Variants in DIP2A observed in about 807,000 individuals in gnomAD.
The protein encoded by DIP2A is disco-interacting protein 2 homolog A.
DIP2A carries 85 observed loss-of-function variants against 177.4 expected under a neutral mutation model. The observed-to-expected ratio is 0.48, with a 90% CI of 0.40 to 0.57. The LOEUF (loss-of-function observed/expected upper bound fraction) is 0.57. Ranked by LOEUF, DIP2A falls within the 20% of genes least tolerant of loss-of-function variation. The probability of loss-of-function intolerance (pLI) is 0.00; values close to 1 mark genes in which losing one functional copy is unlikely to be tolerated. For missense variants in DIP2A, 1,791 were observed against 2,100.2 expected (o/e 0.85, Z 2.88); for synonymous variants, 886 against 881.8 (o/e 1.00, Z -0.08).
In DIP2A at chr21:46,556,450, G is replaced by C. The variant is rs188344901; in HGVS notation, c.3498+359G>C. On this transcript the variant is annotated intron_variant, in intron 29 of 37. Coordinates refer to ENST00000417564, the MANE Select transcript of DIP2A (RefSeq NM_015151.4). This position sits in a 1 kb window ranked among gnomAD's most constrained non-coding sequence, Gnocchi z 4.5. ...TGTAATCCCAGCACTTCGGGAGGCC[G>C]AGGCGGGTGGATCACAAGATCAAGA... is the stretch of plus-strand genomic sequence containing the variant. 3.4e-6 allele frequency: 4 copies of C among 1,162,574 alleles called. No individual in the cohort carries two copies. The highest frequency in any genetic ancestry group is 2.3e-5 in the Admixed American group (1 of 43,152). 72.0% of individuals were successfully genotyped at this position (1,162,574 alleles called of 1,614,324 possible). A position where few individuals can be genotyped will look rare whatever the true frequency, so the allele number is the denominator to read the frequency against.
At chr21:46,520,736 G>C (rs190412561) in intron 8 of DIP2A, among the ~76,000 whole-genome samples, 28 of 152,298 alleles carry the variant, frequency 1.8e-4, no homozygotes, top group Non-Finnish European at 3.7e-4. Context: ...AACATGTACT[G>C]TCATATCAGA....
intron 2 of DIP2A, among the ~76,000 whole-genome samples, chr21:46,486,714 G>A (rs536250239): frequency 2.6e-5 from 4 of 152,336 alleles, no homozygotes; most frequent in African/African-American, 9.6e-5. Flanking sequence ...TCAGTAGGAT[G>A]CAGGCAGCTA....
intron 3 of DIP2A, among the ~76,000 whole-genome samples, chr21:46,492,374 T>C (rs1404211847): frequency 6.6e-6 from 1 of 152,194 alleles, no homozygotes; most frequent in African/African-American, 2.4e-5. Flanking sequence ...GGCAAAACAG[T>C]GTTCTCTTGA....
At chr21:46,549,423 C>T (rs1017725760) in intron 21 of DIP2A, among the ~76,000 whole-genome samples, 2 of 152,054 alleles carry the variant, frequency 1.3e-5, no homozygotes, top group East Asian at 1.9e-4. Flanking sequence ...AATAGAGATG[C>T]GATCTGTTGG....
chr21:46,545,315 A>G (rs1216580812), intron 19 of DIP2A, 42 bp downstream of exon 19: 9 of 1,570,128 alleles, frequency 5.7e-6, no homozygotes, highest in Non-Finnish European at 7.8e-6. Context: ...GTTAAGTTGC[A>G]TGAGCACTCA....
In DIP2A at chr21:46,497,054, C is replaced by T. The variant is rs2057397534; in HGVS notation, c.350C>T (p.Ser117Leu). 5.6e-6 allele frequency: 9 copies of T among 1,613,890 alleles called. No individual in the cohort carries two copies. The highest frequency in any genetic ancestry group is 3.3e-5 in the Admixed American group (2 of 60,014). The change falls in exon 4 of 38, where the codon TCG (serine) becomes TTG (leucine). Residue 117 changes from serine to leucine, a missense_variant. Coordinates refer to ENST00000417564, the MANE Select transcript of DIP2A (RefSeq NM_015151.4). ...KYKERKMPMPSKRRSVLVHSS... is the reference protein window; with the variant it reads ...KYKERKMPMPLKRRSVLVHSS... ...AAAGAGAGGAAGATGCCTATGCCTT[C>T]GAAGAGACGTTCTGTCCTTGTGCAT...
intron 7 of DIP2A, among the ~76,000 whole-genome samples, chr21:46,510,902 G>A (rs1339076609): frequency 6.6e-6 from 1 of 151,988 alleles, no homozygotes; most frequent in Non-Finnish European, 1.5e-5. Flanking sequence ...CAAAGTGCTG[G>A]GATTACAGGC....
intron 12 of DIP2A, 106 bp downstream of exon 12, chr21:46,534,219 C>A: frequency 1.1e-6 from 1 of 896,434 alleles, no homozygotes; most frequent in Admixed American, 2.3e-5. Context: ...AAGTTTCGGC[C>A]TAAGAGTTCT....
chr21:46,476,295 T>C (rs2055839769), intron 1 of DIP2A, among the ~76,000 whole-genome samples: 2 of 152,258 alleles, frequency 1.3e-5, no homozygotes, highest in African/African-American at 4.8e-5. Flanking sequence ...TCTGGCTCAA[T>C]CTGACTAACT....
intron 35 of DIP2A, among the ~76,000 whole-genome samples, chr21:46,565,188 CAA>C (rs1298609480): frequency 6.8e-6 from 1 of 148,116 alleles, no homozygotes; most frequent in Admixed American, 6.6e-5. Flanking sequence ...AGGGTGCACA[CAA>C]ACACGTGGAC....
At position 46,498,872 on chromosome 21, in the gene DIP2A, C is replaced by T. The variant is rs567156516; in HGVS notation, c.655+39C>T. 8.9e-6 allele frequency: 14 copies of T among 1,572,478 alleles called. No individual in the cohort carries two copies. The highest frequency in any genetic ancestry group is 4.5e-5 in the East Asian group (2 of 44,204). On this transcript the variant is annotated intron_variant, in intron 5 of 37. Coordinates refer to ENST00000417564, the MANE Select transcript of DIP2A (RefSeq NM_015151.4). The surrounding 1 kb of genome is among the most constrained non-coding windows in gnomAD (Gnocchi z 4.3). ...TGCTGCGGCCCCTGTGCCAGCAGAG[C>T]GGGGTCAGGAGTGTCCAGGACAGAG...
At chr21:46,462,506 A>G (rs556445587) in intron 1 of DIP2A, 3 of 152,220 alleles carry the variant, frequency 2.0e-5, no homozygotes, top group Non-Finnish European at 4.4e-5. Context: ...AGTGTGTGTG[A>G]AAATGCTTCG....
At chr21:46,526,204 C>T (rs979711679) in intron 8 of DIP2A, among the ~76,000 whole-genome samples, 1 of 151,994 alleles carries the variant, frequency 6.6e-6, no homozygotes, top group Admixed American at 6.6e-5. Flanking sequence ...GCCACCCGCA[C>T]CTGGCCACCT....
At chr21:46,581,653 G>A in the DIP2A span, among the ~76,000 whole-genome samples, 1 of 152,078 alleles carries the variant, frequency 6.6e-6, no homozygotes, top group Non-Finnish European at 1.5e-5. Flanking sequence ...TTTTGTTGAT[G>A]TTGTTGTTGC....
chr21:46,529,095 A>T lies in DIP2A; in HGVS notation c.1106A>T (p.Lys369Ile), dbSNP rs1347514884. 6.7e-7 allele frequency: 1 copy of T among 1,496,878 alleles called. No homozygotes were observed. The highest frequency in any genetic ancestry group is 8.9e-7 in the Non-Finnish European group (1 of 1,120,620). 92.7% of individuals were successfully genotyped at this position (1,496,878 alleles called of 1,614,324 possible). ...GKAVYTLTYG[K>I]LWSRSLKLAY... ...TAGTATTTTTATTTTGTTTTAGGTA[A>T]ACTTTGGAGTCGGAGTTTAAAACTA... Residue 369 changes from lysine to isoleucine, a missense_variant, in exon 9 of 38, where the codon AAA becomes ATA. Coordinates refer to ENST00000417564, the MANE Select transcript of DIP2A (RefSeq NM_015151.4).
the DIP2A span, among the ~76,000 whole-genome samples, chr21:46,581,789 AC>A: frequency 6.6e-6 from 1 of 152,142 alleles, no homozygotes; most frequent in Admixed American, 6.5e-5. Flanking sequence ...AGGCTGTAGA[AC>A]ACCAAAGATG....
intron 9 of DIP2A, 83 bp downstream of exon 9, chr21:46,529,266 C>T: frequency 2.2e-6 from 2 of 901,178 alleles, no homozygotes; most frequent in Admixed American, 2.8e-5. Flanking sequence ...AGTGTTCTAT[C>T]ATTTAGTTAG....
downstream of DIP2A, among the ~76,000 whole-genome samples, chr21:46,572,729 T>G (rs1569131917): frequency 6.6e-6 from 1 of 152,196 alleles, no homozygotes; most frequent in Non-Finnish European, 1.5e-5. Context: ...AAGAAATAAA[T>G]TCATGTTTTT....
intron 1 of DIP2A, among the ~76,000 whole-genome samples, chr21:46,478,416 T>C (rs1009706736): frequency 1.3e-5 from 2 of 152,116 alleles, no homozygotes; most frequent in Non-Finnish European, 2.9e-5. Context: ...TTCTCCATGT[T>C]GGTCAGGCTG....
Sources: gnomAD v4.1 joint callset for allele counts (sites outside exome capture counted in the v4.1 genomes callset) on GRCh38, gnomAD v4.1.1 for gene constraint, Gnocchi (gnomAD v3.1) non-coding constraint, MANE v1.5 for transcripts, NCBI Gene and HGNC (gene_info 2026-07-23, HGNC 2026-07-21) for gene names.